The following DDC variants were observed in gnomAD, a reference collection of about 807,000 sequenced individuals.
DDC encodes the protein aromatic-L-amino-acid decarboxylase.
In DDC, 43 loss-of-function variants were observed where a neutral mutation model predicts 60.0. The ratio of observed to expected loss-of-function variants is 0.72; its 90% CI spans 0.56 to 0.92. The LOEUF is 0.92. DDC is among the 40% of genes least tolerant of loss of function. The probability of loss-of-function intolerance (pLI) is 0.00; values close to 1 mark genes in which losing one functional copy is unlikely to be tolerated. For synonymous variants in DDC, 232 were observed against 234.6 expected, an observed-to-expected ratio of 0.99 and a Z score of 0.10; for missense variants, 573 against 620.2, an observed-to-expected ratio of 0.92 and a Z score of 0.81.
intron 10 of DDC, 23 bp downstream of exon 10, chr7:50,479,764 C>T (rs776704659): frequency 6.2e-7 from 1 of 1,610,172 alleles, no homozygotes; most frequent in South Asian, 1.1e-5. Context: ...AAACAGTCCA[C>T]AGAAAGCAGG....
chr7:50,476,939 G>A (rs912722217), intron 10 of DDC, among the ~76,000 whole-genome samples: 1 of 152,200 alleles, frequency 6.6e-6, no homozygotes, highest in Non-Finnish European at 1.5e-5. Context: ...TTCATCTAGT[G>A]CCCAGTAGAG....
chr7:50,544,191 G>T (rs1036304527), intron 1 of DDC, 78 bp from the exon 2 acceptor site: 19 of 1,113,792 alleles, frequency 1.7e-5, no homozygotes, highest in African/African-American at 6.1e-5. Context: ...CAAGCCGTGG[G>T]TAGGGACACC....
At position 50,464,137 on chromosome 7, in the gene DDC, C is replaced by A. The variant is rs574354357; in HGVS notation, c.1243-706G>T. ...AGGCAGTGACTCCATGTCTTCTAAG[C>A]CATGGAGTCTTAAATAGAAGGAACT... On this transcript the variant is annotated intron_variant, in intron 13 of 14. Transcript: ENST00000444124. 2.6e-5 allele frequency among the ~76,000 whole-genome samples: 4 copies of A among 152,046 alleles called. No individual in the cohort carries two copies. In the East Asian group the frequency reaches 5.8e-4, roughly 22 times the overall value.
chr7:50,544,583 G>A (rs1225916887), intron 1 of DDC, among the ~76,000 whole-genome samples: 6 of 152,166 alleles, frequency 3.9e-5, no homozygotes, highest in Admixed American at 2.6e-4. Context: ...TCAGCTCAGA[G>A]CCTGGGGCAG....
At chr7:50,499,975 TA>T (rs2153539850) in intron 7 of DDC, among the ~76,000 whole-genome samples, 1 of 152,276 alleles carries the variant, frequency 6.6e-6, no homozygotes, top group African/African-American at 2.4e-5. Context: ...ATAGTACCCA[TA>T]GGCCCAAGGG....
chr7:50,459,865 C>T lies in DDC; in HGVS notation c.*19-1022G>A, dbSNP rs1350710894. 6.1e-5 allele frequency among the ~76,000 whole-genome samples: 9 copies of T among 147,790 alleles called. No homozygotes were observed. In the South Asian group the frequency reaches 6.4e-4, roughly 10 times the overall value. On this transcript the variant is annotated intron_variant, in intron 14 of 14. Coordinates refer to ENST00000444124, the MANE Select transcript of DDC (RefSeq NM_001082971.2). ...CAGCCCCCGGCCCGGCCAGCCGCCCCGTCCGGGAGGGAGGTGGGGGGGTCA... is the reference window on the plus strand; with the variant it reads ...CAGCCCCCGGCCCGGCCAGCCGCCCTGTCCGGGAGGGAGGTGGGGGGGTCA...
In DDC at chr7:50,467,231, C is replaced by G. The variant is rs898614956; in HGVS notation, c.1225G>C (p.Val409Leu). The change falls in exon 13 of 15, where the codon GTC becomes CTC. Residue 409 changes from valine to leucine, a missense_variant. By Grantham distance (32) the Val-to-Leu change is conservative (BLOSUM62 1). Transcript: ENST00000444124. ...AGACAAACCTTTAGCCGAAAGCAGACAAGCCCCAGAATGACTTCCACACAG... is the reference window on the plus strand; with the variant it reads ...AGACAAACCTTTAGCCGAAAGCAGAGAAGCCCCAGAATGACTTCCACACAG... ...EICVEVILGL[V>L]CFRLKGSNKV... 1 of 1,613,962 alleles carries G rather than the reference C, an allele frequency of 6.2e-7. No individual in the cohort carries two copies. Among genetic ancestry groups the G allele is most frequent in the African/African-American group, 1.3e-5 (1 of 74,934 alleles).
intron 14 of DDC, among the ~76,000 whole-genome samples, chr7:50,462,226 CAAAAAAAAA>C (rs11410259): frequency 2.7e-5 from 2 of 75,380 alleles, no homozygotes; most frequent in African/African-American, 5.5e-5. Flanking sequence ...GACAAAAAGA[CAAAAAAAAA>C]AAAAAAAAAA....
chr7:50,539,995 A>G lies in DDC; in HGVS notation c.235T>C (p.Tyr79His). Residue 79 changes from tyrosine (Y) to histidine (H), a missense_variant, in exon 3 of 15, where the codon TAC (tyrosine) becomes CAC (histidine). Coordinates refer to ENST00000444124, the MANE Select transcript of DDC (RefSeq NM_001082971.2). ...GGGTACGAGCTGGCAGTGGGGAAGT[A>G]GGCGAAGAAGTAGGGGCTGTGCCAG... ...THWHSPYFFA[Y>H]FPTASSYPAM... The G allele has an allele frequency of 6.2e-7, 1 of 1,614,004 alleles. No individual in the cohort carries two copies. Among genetic ancestry groups the G allele is most frequent in the Non-Finnish European group, 8.5e-7 (1 of 1,179,932 alleles).
At chr7:50,493,711 C>G (rs2043060080) in intron 9 of DDC, among the ~76,000 whole-genome samples, 1 of 152,034 alleles carries the variant, frequency 6.6e-6, no homozygotes, top group East Asian at 1.9e-4. Context: ...GAAATGCCCA[C>G]ATACCAACTG....
intron 6 of DDC, among the ~76,000 whole-genome samples, chr7:50,506,059 G>A (rs186589142): frequency 6.6e-6 from 1 of 152,372 alleles, no homozygotes; most frequent in East Asian, 1.9e-4. Flanking sequence ...GTTTCCACAG[G>A]AAGAACCAGG....
At chr7:50,503,423 T>A (rs1425989206) in intron 7 of DDC, among the ~76,000 whole-genome samples, 1 of 152,134 alleles carries the variant, frequency 6.6e-6, no homozygotes, top group African/African-American at 2.4e-5. Context: ...CTAGTCTCAA[T>A]GAGAAAACCT....
intron 14 of DDC, among the ~76,000 whole-genome samples, 186 bp from the exon 15 acceptor site, chr7:50,459,029 G>A (rs1323315179): frequency 2.6e-5 from 4 of 151,696 alleles, no homozygotes; most frequent in African/African-American, 7.3e-5. Flanking sequence ...CTGTACTGCT[G>A]CCATCTCGGC....
Position 50,543,980 on chromosome 7 carries a change from C to T in DDC, c.106G>A (p.Gly36Arg), listed in dbSNP as rs768464697. 1.3e-5 allele frequency: 21 copies of T among 1,614,036 alleles called. No homozygotes were observed. Among genetic ancestry groups the T allele is most frequent in the African/African-American group, 1.3e-5 (1 of 74,908 alleles). ...GRQVYPDVEPGYLRPLIPAAA... is the reference protein window; with the variant it reads ...GRQVYPDVEPRYLRPLIPAAA... The stretch of plus-strand genomic sequence containing the variant: ...GCAGGGATCAGCGGCCGCAGGTACC[C>T]GGGCTCCACGTCAGGGTAGACCTGG... The change falls in exon 2 of 15, where the codon GGG becomes AGG. Residue 36 changes from glycine (G) to arginine (R), a missense_variant. Transcript: ENST00000444124.
chr7:50,508,762 A>C (rs1338033459), intron 6 of DDC, among the ~76,000 whole-genome samples: 1 of 152,210 alleles, frequency 6.6e-6, no homozygotes, highest in East Asian at 1.9e-4. Context: ...TATAACCACA[A>C]GGGCACAGCT....
intron 6 of DDC, among the ~76,000 whole-genome samples, 195 bp from the exon 7 acceptor site, chr7:50,504,254 GA>G (rs999064398): frequency 5.9e-5 from 9 of 152,220 alleles, no homozygotes; most frequent in African/African-American, 2.2e-4. Context: ...CAGGTTAAGA[GA>G]AACAGATTTG....
intron 13 of DDC, among the ~76,000 whole-genome samples, chr7:50,466,547 C>T (rs886788624): frequency 2.0e-5 from 3 of 150,320 alleles, no homozygotes; most frequent in African/African-American, 7.3e-5. Flanking sequence ...CATTTGGTCT[C>T]ACCTGGCTCT....
intron 9 of DDC, 130 bp downstream of exon 9, chr7:50,495,220 G>C: frequency 1.4e-6 from 1 of 729,428 alleles, no homozygotes; most frequent in Non-Finnish European, 2.5e-6. Flanking sequence ...ATTCCATCAA[G>C]GGTTCAGAAA....
intron 4 of DDC, among the ~76,000 whole-genome samples, chr7:50,531,567 G>A (rs968755132): frequency 1.3e-5 from 2 of 148,336 alleles, no homozygotes; most frequent in African/African-American, 5.0e-5. Flanking sequence ...AACTCATTAT[G>A]GCTTTTCTCT....
Sources: gnomAD v4.1 joint callset for allele counts (sites outside exome capture counted in the v4.1 genomes callset) on GRCh38, gnomAD v4.1.1 for gene constraint, MANE v1.5 for transcripts, NCBI Gene and HGNC (gene_info 2026-07-23, HGNC 2026-07-21) for gene names.